The following ZFAND6 variants were observed in gnomAD, a reference collection of about 807,000 sequenced individuals.
ZFAND6 encodes zinc finger AN1-type containing 6, also known as AN1-type zinc finger protein 6.
In ZFAND6, 12 loss-of-function variants were observed where a neutral mutation model predicts 24.5. The observed-to-expected ratio is 0.49, with a 90% confidence interval of 0.31 to 0.79. The LOEUF is 0.79. Among genes scored for constraint, ZFAND6 ranks in the 30% least tolerant of loss-of-function variants. The pLI is 0.04. For missense variants in ZFAND6, 207 were observed against 245.9 expected, an observed-to-expected ratio of 0.84 and a Z score of 1.06; for synonymous variants, 92 against 81.5, an observed-to-expected ratio of 1.13 and a Z score of -0.69.
intron 1 of ZFAND6, among the ~76,000 whole-genome samples, chr15:80,092,211 A>G (rs956812760): frequency 6.6e-6 from 1 of 151,888 alleles, no homozygotes; most frequent in Non-Finnish European, 1.5e-5. Flanking sequence ...TCAACTGGCC[A>G]GCATGGTGGC....
At chr15:80,086,335 G>A (rs190560884) in intron 1 of ZFAND6, among the ~76,000 whole-genome samples, 22 of 152,252 alleles carry the variant, frequency 1.4e-4, no homozygotes, top group African/African-American at 1.7e-4. Context: ...ACTTGCACCC[G>A]GCCTAAAACT....
At chr15:80,091,647 C>CTT (rs34953396) in intron 1 of ZFAND6, among the ~76,000 whole-genome samples, 4 of 151,296 alleles carry the variant, frequency 2.6e-5, no homozygotes, top group East Asian at 1.9e-4. Context: ...AAAAAAAAAA[C>CTT]TTTTTTTAAG....
At chr15:80,083,575 T>C (rs2037809616) in intron 1 of ZFAND6, among the ~76,000 whole-genome samples, 1 of 152,176 alleles carries the variant, frequency 6.6e-6, no homozygotes, top group African/African-American at 2.4e-5. Context: ...TAGGTAAGCC[T>C]TGTAACTTTA....
At chr15:80,108,596 T>G (rs1466583292) in intron 2 of ZFAND6, among the ~76,000 whole-genome samples, 4 of 152,206 alleles carry the variant, frequency 2.6e-5, no homozygotes, top group Admixed American at 2.0e-4. Context: ...TGAAATTCAC[T>G]GCAACTTAAT....
intron 1 of ZFAND6, among the ~76,000 whole-genome samples, chr15:80,064,519 CTT>C (rs1241786260): frequency 1.3e-5 from 2 of 152,044 alleles, no homozygotes; most frequent in Middle Eastern, 3.4e-3. Context: ...CCCTTTTAAA[CTT>C]TTTATATTTT....
intron 1 of ZFAND6, among the ~76,000 whole-genome samples, chr15:80,091,467 G>A (rs756955856): frequency 3.3e-5 from 5 of 151,982 alleles, no homozygotes; most frequent in Non-Finnish European, 5.9e-5. Flanking sequence ...ATTTGCTTTC[G>A]CAGAGTTCCG....
intron 6 of ZFAND6, among the ~76,000 whole-genome samples, chr15:80,133,988 GT>G (rs766211841): frequency 0.02 from 2,776 of 138,700 alleles, 58 homozygotes; most frequent in African/African-American, 0.065. Context: ...AAGTTGTTGG[GT>G]TTTTTTTTTT....
upstream of ZFAND6, among the ~76,000 whole-genome samples, chr15:80,059,410 G>A (rs1489890253): frequency 1.3e-5 from 2 of 152,234 alleles, no homozygotes; most frequent in Non-Finnish European, 2.9e-5. Flanking sequence ...CCCAGAGAGG[G>A]CAGTGGAGCA....
intron 2 of ZFAND6, among the ~76,000 whole-genome samples, chr15:80,110,427 T>A (rs1347053263): frequency 1.3e-5 from 2 of 152,124 alleles, no homozygotes; most frequent in African/African-American, 4.8e-5. Context: ...GAGAACTAAA[T>A]AAACTGAGAG....
intron 1 of ZFAND6, among the ~76,000 whole-genome samples, chr15:80,090,841 CA>C (rs1378116472): frequency 6.6e-6 from 1 of 152,154 alleles, no homozygotes; most frequent in Non-Finnish European, 1.5e-5. Context: ...ACCCAGTTTT[CA>C]AATATTTTTT....
At chr15:80,118,451 G>A (rs1480292767) in intron 2 of ZFAND6, among the ~76,000 whole-genome samples, 2 of 152,138 alleles carry the variant, frequency 1.3e-5, no homozygotes, top group East Asian at 3.8e-4. Flanking sequence ...CATAAAGAAA[G>A]CTGCAGACCA....
chr15:80,087,711 T>C (rs1218032655), intron 1 of ZFAND6, among the ~76,000 whole-genome samples: 2 of 152,178 alleles, frequency 1.3e-5, no homozygotes, highest in East Asian at 3.8e-4. Context: ...TTTTTGTAAC[T>C]TTTAATTTAT....
chr15:80,083,405 A>G (rs2037799645), intron 1 of ZFAND6, among the ~76,000 whole-genome samples: 1 of 152,242 alleles, frequency 6.6e-6, no homozygotes, highest in African/African-American at 2.4e-5. Flanking sequence ...CTAAGAACTT[A>G]TGATATGTTG....
intron 1 of ZFAND6, among the ~76,000 whole-genome samples, chr15:80,097,991 G>T (rs1277475640): frequency 6.6e-6 from 1 of 152,164 alleles, no homozygotes; most frequent in African/African-American, 2.4e-5. Flanking sequence ...TCCTCCTGCT[G>T]TCACAAAACA....
intron 5 of ZFAND6, among the ~76,000 whole-genome samples, chr15:80,128,693 T>C (rs552392327): frequency 6.6e-6 from 1 of 152,350 alleles, no homozygotes. Flanking sequence ...GGGTATATAA[T>C]CGACATTTAT....
chr15:80,076,004 T>C (rs2037252816), intron 1 of ZFAND6, among the ~76,000 whole-genome samples: 2 of 152,256 alleles, frequency 1.3e-5, no homozygotes, highest in South Asian at 4.1e-4. Flanking sequence ...CTCTTCTCAT[T>C]ATTTTCATGA....
chr15:80,116,197 A>T (rs991176836), intron 2 of ZFAND6, among the ~76,000 whole-genome samples: 8 of 150,466 alleles, frequency 5.3e-5, no homozygotes, highest in Non-Finnish European at 1.0e-4. Context: ...TCTGTGTTTT[A>T]TACAAGAGTA....
At chr15:80,063,052 C>G (rs1402150562) in intron 1 of ZFAND6, among the ~76,000 whole-genome samples, 1 of 152,172 alleles carries the variant, frequency 6.6e-6, no homozygotes, top group African/African-American at 2.4e-5. Context: ...CAGTATCTTA[C>G]TCTCTGACTC....
At chr15:80,090,273 A>G (rs1164749969) in intron 1 of ZFAND6, among the ~76,000 whole-genome samples, 1 of 152,200 alleles carries the variant, frequency 6.6e-6, no homozygotes, top group East Asian at 1.9e-4. Flanking sequence ...ACCAGTGACC[A>G]CAACTCTGTC....
Sources: allele counts gnomAD v4.1 joint callset (sites outside exome capture counted in the v4.1 genomes callset), GRCh38; gene constraint gnomAD v4.1.1; transcripts MANE v1.5; gene names NCBI Gene and HGNC (gene_info 2026-07-23, HGNC 2026-07-21).